FOXP2: variants seen among roughly 807,000 people sequenced by gnomAD.
FOXP2 encodes forkhead box protein P2.
In FOXP2, 12 loss-of-function variants were observed where a neutral mutation model predicts 115.8. That is an observed-to-expected ratio of 0.10 (90% CI 0.07 to 0.17). The LOEUF is 0.17. Among genes scored for constraint, FOXP2 ranks in the 10% least tolerant of loss-of-function variants. The pLI is 1.00. For synonymous variants in FOXP2, 328 were observed against 297.7 expected (o/e 1.10, Z -1.05); for missense variants, 629 against 843.5 (o/e 0.75, Z 3.15).
upstream of FOXP2, among the ~76,000 whole-genome samples, chr7:114,412,623 G>A (rs1330669507): frequency 6.6e-6 from 1 of 152,114 alleles, no homozygotes; most frequent in Non-Finnish European, 1.5e-5. Flanking sequence ...GAAGGTTAAT[G>A]TCATTGTAAC....
intron 6 of FOXP2, among the ~76,000 whole-genome samples, chr7:114,638,269 CT>C (rs1167458898): frequency 2.0e-5 from 3 of 152,060 alleles, no homozygotes; most frequent in African/African-American, 7.2e-5. Context: ...TTGGAAAACG[CT>C]GACTTCAAAA....
chr7:114,224,622 G>A (rs1299902000), intron 1 of FOXP2, among the ~76,000 whole-genome samples: 1 of 152,070 alleles, frequency 6.6e-6, no homozygotes, highest in Non-Finnish European at 1.5e-5. Context: ...TCAGCTGACA[G>A]ATTTCTTCAC....
chr7:114,272,667 T>G (rs540250379), intron 1 of FOXP2, among the ~76,000 whole-genome samples: 64 of 151,914 alleles, frequency 4.2e-4, no homozygotes, highest in Non-Finnish European at 4.7e-4. Context: ...CATAGAGTTG[T>G]TTGGCAGTTT....
chr7:114,110,636 T>C (rs898300771), intron 1 of FOXP2, among the ~76,000 whole-genome samples: 13 of 152,268 alleles, frequency 8.5e-5, no homozygotes, highest in African/African-American at 3.1e-4. Context: ...TTTTTCTAAC[T>C]TTAAGATTTT....
chr7:114,220,011 C>T (rs950301601), intron 1 of FOXP2, among the ~76,000 whole-genome samples: 5 of 151,214 alleles, frequency 3.3e-5, no homozygotes, highest in East Asian at 1.9e-4. Flanking sequence ...GGACTACAGG[C>T]GCGCACCACC....
At chr7:114,570,754 A>C (rs78278010) in intron 3 of FOXP2, 1 of 1,321,232 alleles carries the variant, frequency 7.6e-7, no homozygotes, top group Non-Finnish European at 1.1e-6. Context: ...TTATTAGCAC[A>C]AGCCTTAAGA....
intron 1 of FOXP2, among the ~76,000 whole-genome samples, chr7:114,268,352 A>C (rs1283472721): frequency 6.6e-6 from 1 of 152,176 alleles, no homozygotes; most frequent in African/African-American, 2.4e-5. Flanking sequence ...GTATTTGTGC[A>C]AGAGGGAATT....
chr7:114,613,175 T>A (rs567058795), intron 3 of FOXP2, among the ~76,000 whole-genome samples: 1 of 152,236 alleles, frequency 6.6e-6, no homozygotes, highest in Non-Finnish European at 1.5e-5. Context: ...TTTAGAATTT[T>A]TTTAATTAAC....
intron 2 of FOXP2, among the ~76,000 whole-genome samples, chr7:114,389,068 A>C (rs1175469681): frequency 6.6e-6 from 1 of 152,132 alleles, no homozygotes; most frequent in Non-Finnish European, 1.5e-5. Flanking sequence ...AACGTATTGT[A>C]CTCTCTTTAG....
intron 1 of FOXP2, among the ~76,000 whole-genome samples, chr7:114,142,614 A>G (rs984707146): frequency 6.6e-5 from 10 of 152,124 alleles, no homozygotes; most frequent in African/African-American, 1.9e-4. Flanking sequence ...TAAACTCTTC[A>G]AAAGGAATTG....
chr7:114,534,495 A>T, intron 2 of FOXP2, 122 bp from the exon 3 acceptor site: 3 of 840,966 alleles, frequency 3.6e-6, no homozygotes, highest in Non-Finnish European at 6.1e-6. Context: ...AACAACAATG[A>T]TTCTCTCTAG....
intron 1 of FOXP2, among the ~76,000 whole-genome samples, chr7:114,094,954 G>T (rs1335460992): frequency 3.3e-5 from 5 of 152,176 alleles, no homozygotes; most frequent in Admixed American, 3.3e-4. Context: ...CCTCCATGTT[G>T]TGACCTGGCT....
intron 1 of FOXP2, among the ~76,000 whole-genome samples, chr7:114,227,109 T>C (rs1297135484): frequency 6.6e-6 from 1 of 152,190 alleles, no homozygotes; most frequent in Non-Finnish European, 1.5e-5. Flanking sequence ...CAGGTTGGAA[T>C]AATTACTTGT....
intron 2 of FOXP2, among the ~76,000 whole-genome samples, chr7:114,380,767 G>A (rs1169122475): frequency 1.3e-5 from 2 of 152,188 alleles, no homozygotes; most frequent in Non-Finnish European, 2.9e-5. Flanking sequence ...TCTCTTCCCT[G>A]TATTATTTTA....
chr7:114,413,275 A>T (rs1030108410), upstream of FOXP2, among the ~76,000 whole-genome samples: 4 of 152,266 alleles, frequency 2.6e-5, no homozygotes, highest in African/African-American at 9.6e-5. Flanking sequence ...GGGAGAAAAA[A>T]TTTTTAAATG....
chr7:114,673,000 T>C (rs1246934687), intron 16 of FOXP2, among the ~76,000 whole-genome samples: 1 of 152,192 alleles, frequency 6.6e-6, no homozygotes, highest in Non-Finnish European at 1.5e-5. Context: ...AGAATGCAAG[T>C]TATTAAATGT....
chr7:114,141,080 C>T (rs961778302), intron 1 of FOXP2, among the ~76,000 whole-genome samples: 2 of 151,954 alleles, frequency 1.3e-5, no homozygotes, highest in African/African-American at 4.8e-5. Flanking sequence ...CTACAGGGGC[C>T]CAATAAATCA....
chr7:114,239,181 T>A (rs1163248418), intron 1 of FOXP2, among the ~76,000 whole-genome samples: 4 of 151,888 alleles, frequency 2.6e-5, no homozygotes, highest in African/African-American at 9.7e-5. Flanking sequence ...TTTTTTCTTT[T>A]TTCTTGTGAA....
At position 114,106,917 on chromosome 7, in the gene FOXP2, A is replaced by G. The variant is rs551620308; in HGVS notation, c.-247+19079A>G. ...TATGTTTTTAAGTTAATAAACTCATAGTTATAATCAAATCTCATTTTCTGG... is the reference window on the plus strand; with the variant it reads ...TATGTTTTTAAGTTAATAAACTCATGGTTATAATCAAATCTCATTTTCTGG... On this transcript the variant is annotated intron_variant, in intron 1 of 19. Transcript: ENST00000635638. Among the ~76,000 whole-genome samples the G allele has an allele frequency of 6.6e-5, 10 of 152,142 alleles. No homozygotes were observed. In the East Asian group the frequency reaches 1.7e-3, roughly 26 times the overall value.
Sources: gnomAD v4.1 joint callset for allele counts (sites outside exome capture counted in the v4.1 genomes callset) on GRCh38, gnomAD v4.1.1 for gene constraint, MANE v1.5 for transcripts, NCBI Gene and HGNC (gene_info 2026-07-23, HGNC 2026-07-21) for gene names.